Variants in NEMP2 observed in about 807,000 individuals in gnomAD.
NEMP2 encodes UPF0571 transmembrane protein.
NEMP2 carries 53 observed loss-of-function variants against 54.2 expected under a neutral mutation model. That is an observed-to-expected ratio of 0.98 (90% CI 0.78 to 1.23). The LOEUF (loss-of-function observed/expected upper bound fraction) is 1.23. Among genes scored for constraint, NEMP2 ranks in the 50% most tolerant of loss-of-function variants. NEMP2 has a pLI of 0.00. For missense variants in NEMP2, 455 were observed against 511.3 expected, an observed-to-expected ratio of 0.89 and a Z score of 1.06; for synonymous variants, 197 against 190.3, an observed-to-expected ratio of 1.04 and a Z score of -0.29.
At chr2:190,562,920 A>G in the NEMP2 span, among the ~76,000 whole-genome samples, 1 of 152,196 alleles carries the variant, frequency 6.6e-6, no homozygotes, top group Non-Finnish European at 1.5e-5. This position sits in a 1 kb window ranked among gnomAD's most constrained non-coding sequence, Gnocchi z 5.0. Flanking sequence ...TAACTCTGAG[A>G]TCACCCTAAA....
the NEMP2 span, among the ~76,000 whole-genome samples, chr2:190,647,945 C>T: frequency 2.0e-5 from 3 of 152,056 alleles, no homozygotes; most frequent in Admixed American, 2.0e-4. Context: ...AACTCCGGAC[C>T]TCAGGTGATC....
chr2:190,479,234 C>T, the NEMP2 span, among the ~76,000 whole-genome samples: 13 of 152,202 alleles, frequency 8.5e-5, no homozygotes, highest in Middle Eastern at 3.2e-3. Flanking sequence ...CATGATCTTT[C>T]TCATGTTCAG....
the NEMP2 span, among the ~76,000 whole-genome samples, chr2:190,555,915 C>T: frequency 6.6e-6 from 1 of 152,182 alleles, no homozygotes; most frequent in African/African-American, 2.4e-5. The surrounding 1 kb of genome is among the most constrained non-coding windows in gnomAD (Gnocchi z 4.8). Flanking sequence ...GGAACTGGTA[C>T]CATTCCTTCT....
At position 190,528,829 on chromosome 2, in the gene NEMP2, A is replaced by G. The variant is rs1037044900; in HGVS notation, c.98-3451T>C. On this transcript the variant is annotated intron_variant, in intron 1 of 8. Coordinates refer to ENST00000409150, the MANE Select transcript of NEMP2 (RefSeq NM_001142645.2). This position sits in a 1 kb window ranked among gnomAD's most constrained non-coding sequence, Gnocchi z 4.3. ...GTCTCCTAAATCATTCCAAACCTGG[A>G]GCTCTTAAGAGCAAGATGATGCAAT... 6.6e-6 allele frequency among the ~76,000 whole-genome samples: 1 copy of G among 152,182 alleles called. No homozygotes were observed. The highest frequency in any genetic ancestry group is 2.4e-5 in the African/African-American group (1 of 41,420).
At chr2:190,499,606 CA>C (rs1254269903), downstream of NEMP2, among the ~76,000 whole-genome samples, 1 of 152,360 alleles carries the variant, frequency 6.6e-6, no homozygotes, top group East Asian at 1.9e-4. The surrounding 1 kb of genome is among the most constrained non-coding windows in gnomAD (Gnocchi z 6.0). Context: ...TCCTGTTAGA[CA>C]AAGTGTCTTC....
chr2:190,444,859 C>T, the NEMP2 span: 1 of 819,928 alleles, frequency 1.2e-6, no homozygotes, highest in Non-Finnish European at 1.5e-6. Flanking sequence ...ATTTTAAATT[C>T]CAATTATTTT....
At position 190,519,327 on chromosome 2, in the gene NEMP2, C is replaced by T; in HGVS notation, c.214-144G>A. The T allele has an allele frequency of 2.3e-5, 14 of 604,160 alleles. No individual in the cohort carries two copies. Among genetic ancestry groups the T allele is most frequent in the Non-Finnish European group, 3.4e-5 (12 of 347,926 alleles). The allele number at this position is 604,160 out of a possible 1,614,324, so 37.4% of individuals were successfully genotyped here. On this transcript the variant is annotated intron_variant, in intron 2 of 8. Coordinates refer to ENST00000409150, the MANE Select transcript of NEMP2 (RefSeq NM_001142645.2). The surrounding 1 kb of genome is among the most constrained non-coding windows in gnomAD (Gnocchi z 5.4). ...ACCTGTGCCTCCAGGGCTCAGGTGACCCTCCCACTTCAGCCTCCCAAGTAG... is the reference window on the plus strand; with the variant it reads ...ACCTGTGCCTCCAGGGCTCAGGTGATCCTCCCACTTCAGCCTCCCAAGTAG...
the NEMP2 span, among the ~76,000 whole-genome samples, chr2:190,601,447 T>C: frequency 6.6e-6 from 1 of 152,212 alleles, no homozygotes; most frequent in Admixed American, 6.5e-5. This position sits in a 1 kb window ranked among gnomAD's most constrained non-coding sequence, Gnocchi z 5.8. Context: ...AATGTGGCAA[T>C]GGCAGGCCTA....
chr2:190,632,777 GAAATC>G, the NEMP2 span, among the ~76,000 whole-genome samples: 1 of 152,072 alleles, frequency 6.6e-6, no homozygotes. The surrounding 1 kb of genome is among the most constrained non-coding windows in gnomAD (Gnocchi z 4.8). Flanking sequence ...GGCGACAAAT[GAAATC>G]CTGTTATGTC....
At chr2:190,532,440 T>G (rs1214131284) in intron 1 of NEMP2, among the ~76,000 whole-genome samples, 1 of 152,184 alleles carries the variant, frequency 6.6e-6, no homozygotes, top group Non-Finnish European at 1.5e-5. Flanking sequence ...GGAAAGCCAC[T>G]GACAGGGCCT....
At chr2:190,466,658 A>C in the NEMP2 span, among the ~76,000 whole-genome samples, 22,292 of 152,224 alleles carry the variant, frequency 0.15, 1,848 homozygotes, top group Middle Eastern at 0.22. Flanking sequence ...TACAGAATAC[A>C]TGTTTTTATC....
the NEMP2 span, among the ~76,000 whole-genome samples, chr2:190,449,176 T>G: frequency 0.22 from 34,036 of 152,028 alleles, 4,827 homozygotes; most frequent in South Asian, 0.33. Context: ...AAATGCATAG[T>G]ATGTTGTTAA....
the NEMP2 span, among the ~76,000 whole-genome samples, chr2:190,430,106 C>T: frequency 6.7e-6 from 1 of 148,382 alleles, no homozygotes; most frequent in African/African-American, 2.5e-5. Flanking sequence ...GTTTGGTTTT[C>T]TGTCCTTGTG....
the NEMP2 span, among the ~76,000 whole-genome samples, chr2:190,606,085 G>A: frequency 6.6e-6 from 1 of 152,178 alleles, no homozygotes; most frequent in Non-Finnish European, 1.5e-5. Flanking sequence ...CCAGTCTTGC[G>A]CTTGTGATTT....
Position 190,517,599 on chromosome 2 carries a change from T to G in NEMP2, c.533A>C (p.Tyr178Ser), listed in dbSNP as rs758625606. 6.5e-7 allele frequency: 1 copy of G among 1,548,924 alleles called. No individual in the cohort carries two copies. Among genetic ancestry groups the G allele is most frequent in the Middle Eastern group, 1.7e-4 (1 of 5,990 alleles). Reference sequence around the variant, plus strand: ...ACCTAGCACAGTTCCCGAGGAGTAATAGAAAGTAGGGCTTCTGTCAAGATA... The same window carrying G: ...ACCTAGCACAGTTCCCGAGGAGTAAGAGAAAGTAGGGCTTCTGTCAAGATA... ...ARTLSQSPTF[Y>S]YSSGTVLGVL... is the part of the protein sequence containing the mutation. The change falls in exon 5 of 9, where the codon TAT becomes TCT. Residue 178 changes from tyrosine to serine, a missense_variant. Physicochemically the swap from Tyr to Ser is moderately radical, Grantham distance 144. Around this residue, in one of 3 missense-constraint regions of NEMP2, gnomAD observed 294 missense variants for 333.6 expected, o/e 0.88. Transcript: ENST00000409150.
the NEMP2 span, among the ~76,000 whole-genome samples, chr2:190,623,129 A>C: frequency 6.6e-6 from 1 of 152,214 alleles, no homozygotes; most frequent in Non-Finnish European, 1.5e-5. Flanking sequence ...TGAAAGATTT[A>C]TGCAATGAAA....
the NEMP2 span, among the ~76,000 whole-genome samples, chr2:190,467,353 C>G: frequency 6.6e-6 from 1 of 151,140 alleles, no homozygotes; most frequent in Non-Finnish European, 1.5e-5. This position sits in a 1 kb window ranked among gnomAD's most constrained non-coding sequence, Gnocchi z 5.5. Context: ...TGGCTCATGC[C>G]TGTAATTCCA....
the NEMP2 span, among the ~76,000 whole-genome samples, chr2:190,439,904 G>A: frequency 9.9e-5 from 15 of 152,198 alleles, no homozygotes; most frequent in Admixed American, 6.5e-5. The surrounding 1 kb of genome is among the most constrained non-coding windows in gnomAD (Gnocchi z 5.8). Context: ...GTTCCTTTTA[G>A]TGATAATTTT....
At chr2:190,602,620 C>A in the NEMP2 span, among the ~76,000 whole-genome samples, 1 of 152,172 alleles carries the variant, frequency 6.6e-6, no homozygotes, top group Admixed American at 6.5e-5. Flanking sequence ...CAGGAATCTA[C>A]CCCTCCCCAT....
Sources: gnomAD v4.1 joint callset for allele counts (sites outside exome capture counted in the v4.1 genomes callset) on GRCh38, gnomAD v4.1.1 for gene constraint, gnomAD v4.1.1 regional missense constraint, Gnocchi (gnomAD v3.1) non-coding constraint, MANE v1.5 for transcripts, NCBI Gene and HGNC (gene_info 2026-07-23, HGNC 2026-07-21) for gene names.